Variants in EIF4E3 observed in about 807,000 individuals in gnomAD.
EIF4E3 encodes eukaryotic translation initiation factor 4E type 3.
Under a neutral mutation model 31.7 loss-of-function variants are expected in EIF4E3, and 26 were observed. That is an observed-to-expected ratio of 0.82 (90% CI 0.60 to 1.14). The LOEUF (loss-of-function observed/expected upper bound fraction) is 1.14, where lower values mean the gene tolerates loss of function less well. Among genes scored for constraint, EIF4E3 ranks in the 50% most tolerant of loss-of-function variants. The pLI is 0.00. For missense variants in EIF4E3, 304 were observed against 270.9 expected (o/e 1.12, Z -0.86); for synonymous variants, 128 against 107.7 (o/e 1.19, Z -1.17).
chr3:71,716,473 T>C (rs1389471706), intron 1 of EIF4E3, among the ~76,000 whole-genome samples: 2 of 152,200 alleles, frequency 1.3e-5, no homozygotes. Flanking sequence ...GACCTCGTGA[T>C]CCACCTGCCT....
rs998719924 is a variant in EIF4E3, at chr3:71,677,258, C to T, written c.*7424G>A. The T allele has an allele frequency of 2.6e-5, 4 of 152,156 alleles. No individual in the cohort carries two copies. The highest frequency in any genetic ancestry group is 5.9e-5 in the Non-Finnish European group (4 of 68,022). 9.4% of individuals were successfully genotyped at this position (152,156 alleles called of 1,614,324 possible). On this transcript the variant is annotated 3_prime_UTR_variant, in exon 7 of 7. Transcript: ENST00000425534. ...AATGACATATATTTTAACTTGCTGG[C>T]CCTTGCAAATGCTACTGTTTTTTCT...
At chr3:71,724,603 G>T (rs2049601646) in intron 1 of EIF4E3, among the ~76,000 whole-genome samples, 1 of 152,216 alleles carries the variant, frequency 6.6e-6, no homozygotes, top group Non-Finnish European at 1.5e-5. Context: ...GCGCATAGCA[G>T]GTGTGTGGCT....
At chr3:71,754,542 G>A, upstream of EIF4E3, 1 of 1,347,670 alleles carries the variant, frequency 7.4e-7, no homozygotes, top group Non-Finnish European at 9.5e-7. The surrounding 1 kb of genome is among the most constrained non-coding windows in gnomAD (Gnocchi z 5.8). Flanking sequence ...CGGCGGTGGC[G>A]ACGACGAGGA....
At chr3:71,710,349 G>C (rs2049357560) in intron 2 of EIF4E3, 63 bp downstream of exon 2, 1 of 1,515,098 alleles carries the variant, frequency 6.6e-7, no homozygotes. Flanking sequence ...CAGATTTCAA[G>C]TTGGGTGATT....
At chr3:71,723,644 T>C (rs899646799) in intron 1 of EIF4E3, among the ~76,000 whole-genome samples, 1 of 152,230 alleles carries the variant, frequency 6.6e-6, no homozygotes, top group Non-Finnish European at 1.5e-5. Flanking sequence ...CTTGATACTG[T>C]TTCCACCAGT....
At chr3:71,671,408 C>A (rs1413635823), downstream of EIF4E3, among the ~76,000 whole-genome samples, 2 of 152,054 alleles carry the variant, frequency 1.3e-5, no homozygotes, top group African/African-American at 2.4e-5. Context: ...GACAGCATGG[C>A]AGCATCCGGA....
At chr3:71,671,291 A>G (rs2048845942), downstream of EIF4E3, among the ~76,000 whole-genome samples, 1 of 152,018 alleles carries the variant, frequency 6.6e-6, no homozygotes, top group Non-Finnish European at 1.5e-5. Context: ...TCACCCTCAG[A>G]GCATCCCTAC....
chr3:71,754,307 G>T (rs2049976808), upstream of EIF4E3: 4 of 1,156,114 alleles, frequency 3.5e-6, no homozygotes, highest in South Asian at 1.2e-4. The surrounding 1 kb of genome is among the most constrained non-coding windows in gnomAD (Gnocchi z 5.8). Flanking sequence ...CGGCCGCGGC[G>T]GGGGCGCCGC....
chr3:71,754,067 G>T (rs1313296222), upstream of EIF4E3: 9 of 1,298,334 alleles, frequency 6.9e-6, no homozygotes, highest in Admixed American at 2.9e-4. The surrounding 1 kb of genome is among the most constrained non-coding windows in gnomAD (Gnocchi z 5.8). Flanking sequence ...ACGCGAGCGA[G>T]CCGGGTGGCA....
In EIF4E3 at chr3:71,677,883, A is replaced by G. The variant is rs902825251; in HGVS notation, c.*6799T>C. On this transcript the variant is annotated 3_prime_UTR_variant, in exon 7 of 7. Coordinates refer to ENST00000425534, the MANE Select transcript of EIF4E3 (RefSeq NM_001134651.2). The stretch of plus-strand genomic sequence containing the variant: ...TGCAGCACAAAAGAGCAACGAGAGT[A>G]ATTGACTTATTCTAAAACGGAACCA... The G allele has an allele frequency of 1.2e-4, 18 of 152,240 alleles. No homozygotes were observed. The highest frequency in any genetic ancestry group is 2.0e-4 in the Admixed American group (3 of 15,284). 9.4% of individuals were successfully genotyped at this position (152,240 alleles called of 1,614,324 possible).
intron 5 of EIF4E3, 121 bp downstream of exon 5, chr3:71,693,754 C>T: frequency 1.0e-6 from 1 of 962,968 alleles, no homozygotes; most frequent in Non-Finnish European, 1.4e-6. Context: ...CTTTGTAGTT[C>T]CAAAATAAAC....
chr3:71,751,781 T>C (rs1156297330), intron 1 of EIF4E3, among the ~76,000 whole-genome samples: 1 of 152,136 alleles, frequency 6.6e-6, no homozygotes. Flanking sequence ...CTGCCTGGAA[T>C]GAAGAAATGA....
the EIF4E3 span, among the ~76,000 whole-genome samples, chr3:71,661,491 T>C: frequency 1.3e-5 from 2 of 152,152 alleles, no homozygotes; most frequent in South Asian, 4.1e-4. Flanking sequence ...TCATTTAGCC[T>C]CCTTGGGCCT....
chr3:71,740,894 T>C (rs1412002657), intron 1 of EIF4E3, among the ~76,000 whole-genome samples: 1 of 152,172 alleles, frequency 6.6e-6, no homozygotes, highest in Admixed American at 6.5e-5. Flanking sequence ...CCCAGTACTA[T>C]GGGAGGCTGA....
rs935706458 is a variant in EIF4E3 at position 71,681,631 on chromosome 3, C to A, written c.*3051G>T. On this transcript the variant is annotated 3_prime_UTR_variant, in exon 7 of 7. Coordinates refer to ENST00000425534, the MANE Select transcript of EIF4E3 (RefSeq NM_001134651.2). ...ATTCTGAGTACTCTCCATTTAAGGA[C>A]GCCTGCACCGGGATACAACTTGCCG... is the stretch of plus-strand genomic sequence containing the variant. The A allele has an allele frequency of 1.3e-5, 2 of 152,206 alleles. No homozygotes were observed. The highest frequency in any genetic ancestry group is 4.8e-5 in the African/African-American group (2 of 41,450). The allele number at this position is 152,206 out of a possible 1,614,324, so 9.4% of individuals were successfully genotyped here.
chr3:71,696,355 G>C (rs2049135514), intron 4 of EIF4E3, 105 bp downstream of exon 4: 2 of 1,219,716 alleles, frequency 1.6e-6, no homozygotes, highest in African/African-American at 1.5e-5. Context: ...GCCTGTTTGG[G>C]GACTGCCAGG....
At chr3:71,718,282 C>A (rs889983619) in intron 1 of EIF4E3, among the ~76,000 whole-genome samples, 2 of 152,220 alleles carry the variant, frequency 1.3e-5, no homozygotes, top group Non-Finnish European at 2.9e-5. Context: ...GCGGCTACAC[C>A]AGCTTCCTGT....
At chr3:71,722,880 TTGTACATCA>T (rs983378488) in intron 1 of EIF4E3, among the ~76,000 whole-genome samples, 3 of 152,164 alleles carry the variant, frequency 2.0e-5, no homozygotes, top group Admixed American at 2.0e-4. Context: ...CTGTTAGGTG[TTGTACATCA>T]TGTCTCTCAT....
chr3:71,744,691 G>A (rs1211016750), intron 1 of EIF4E3, among the ~76,000 whole-genome samples: 2 of 152,238 alleles, frequency 1.3e-5, no homozygotes, highest in East Asian at 3.9e-4. Context: ...GTTGCAGTGA[G>A]CCGAGACTGT....
Sources: gnomAD v4.1 joint callset for allele counts (sites outside exome capture counted in the v4.1 genomes callset) on GRCh38, gnomAD v4.1.1 for gene constraint, Gnocchi (gnomAD v3.1) non-coding constraint, MANE v1.5 for transcripts, NCBI Gene and HGNC (gene_info 2026-07-23, HGNC 2026-07-21) for gene names.